The following ZBTB41 variants were observed in gnomAD, a reference collection of about 807,000 sequenced individuals.
ZBTB41 encodes zinc finger and BTB domain containing 41, also known as zinc finger and BTB domain-containing protein 41.
Under a neutral mutation model 87.6 loss-of-function variants are expected in ZBTB41, and 42 were observed. The observed-to-expected ratio is 0.48, with a 90% CI of 0.37 to 0.62. The LOEUF (loss-of-function observed/expected upper bound fraction) is 0.62. Among genes scored for constraint, ZBTB41 ranks in the 20% least tolerant of loss-of-function variants. ZBTB41 has a pLI of 0.00. For synonymous variants in ZBTB41, 364 were observed against 364.0 expected, an observed-to-expected ratio of 1.00 and a Z score of 0.00; for missense variants, 799 against 1,078.9, an observed-to-expected ratio of 0.74 and a Z score of 3.63.
At chr1:197,197,591 G>A (rs1246532773) in intron 2 of ZBTB41, among the ~76,000 whole-genome samples, 1 of 151,144 alleles carries the variant, frequency 6.6e-6, no homozygotes, top group Admixed American at 6.6e-5. Flanking sequence ...GAGCGAGGGA[G>A]GGAGGAAGGA....
Position 197,157,837 on chromosome 1 carries a change from C to T in ZBTB41, c.*1522G>A, listed in dbSNP as rs1029959414. 5.3e-5 allele frequency: 8 copies of T among 152,344 alleles called. No individual in the cohort carries two copies. Among genetic ancestry groups the T allele is most frequent in the African/African-American group, 1.9e-4 (8 of 41,506 alleles). The allele number at this position is 152,344 out of a possible 1,614,324, so 9.4% of individuals were successfully genotyped here. ...CATTACTAATTGATTAAACTTTATT[C>T]ATTAAAACTTCACTGTTTTATTTGT... On this transcript the variant is annotated 3_prime_UTR_variant, in exon 11 of 11. Coordinates refer to ENST00000367405, the MANE Select transcript of ZBTB41 (RefSeq NM_194314.3).
Position 197,195,842 on chromosome 1 carries a change from G to GA in ZBTB41, c.1120+3511dup, listed in dbSNP as rs1660149516. On this transcript the variant is annotated intron_variant, in intron 2 of 10. Coordinates refer to ENST00000367405, the MANE Select transcript of ZBTB41 (RefSeq NM_194314.3). The stretch of plus-strand genomic sequence containing the variant: ...AGAGGAAGACAGCCGGTAGCCTAAG[G>GA]AAAAATATAACTGGAAGAAAGGATA... 5.3e-5 allele frequency among the ~76,000 whole-genome samples: 8 copies of GA among 152,140 alleles called. No homozygotes were observed. The South Asian group carries it at 1.7e-3, about 32-fold the overall frequency.
chr1:197,172,955 T>C (rs1452189636), intron 9 of ZBTB41, among the ~76,000 whole-genome samples: 3 of 152,040 alleles, frequency 2.0e-5, no homozygotes, highest in African/African-American at 4.8e-5. Flanking sequence ...TACAAAATAA[T>C]AGACAGAAAT....
At chr1:197,187,550 C>T (rs1289229280) in intron 5 of ZBTB41, among the ~76,000 whole-genome samples, 1 of 151,988 alleles carries the variant, frequency 6.6e-6, no homozygotes, top group Non-Finnish European at 1.5e-5. Context: ...CACTGTTATA[C>T]TATATTTTAA....
intron 5 of ZBTB41, among the ~76,000 whole-genome samples, chr1:197,182,486 A>G (rs1250140133): frequency 8.4e-6 from 1 of 119,174 alleles, no homozygotes; most frequent in Non-Finnish European, 1.9e-5. Flanking sequence ...TAGGTTGCCC[A>G]GGCTGGTCTC....
In ZBTB41 at chr1:197,199,329, T is replaced by C. The variant is rs756625468; in HGVS notation, c.1120+25A>G. On this transcript the variant is annotated intron_variant, in intron 2 of 10. Coordinates refer to ENST00000367405, the MANE Select transcript of ZBTB41 (RefSeq NM_194314.3). ...TCCAAGAAAAGTAAGTGATTAGAGA[T>C]AGAAAACCAGTTTTCTTTTCTTACC... The C allele has an allele frequency of 4.8e-6, 7 of 1,472,360 alleles. No homozygotes were observed. In the East Asian group the frequency reaches 9.6e-5, roughly 20 times the overall value. 91.2% of individuals were successfully genotyped at this position (1,472,360 alleles called of 1,614,324 possible).
rs138552332 is a variant in ZBTB41, at chr1:197,161,781, G to A, written c.2075-1767C>T. Among the ~76,000 whole-genome samples the A allele has an allele frequency of 1.2e-3, 185 of 152,028 alleles. 5 individuals carry two copies. The East Asian group carries it at 0.032, about 26-fold the overall frequency. On this transcript the variant is annotated intron_variant, in intron 10 of 10. Coordinates refer to ENST00000367405, the MANE Select transcript of ZBTB41 (RefSeq NM_194314.3). The stretch of plus-strand genomic sequence containing the variant: ...CAAAATGTACACTTCCAAAATGCAA[G>A]AACTCTTAAGTGCGTTCTATAAATC...
chr1:197,176,345 A>T (rs1294487530), intron 8 of ZBTB41, among the ~76,000 whole-genome samples: 1 of 152,078 alleles, frequency 6.6e-6, no homozygotes, highest in East Asian at 1.9e-4. Context: ...TTATAGTCAC[A>T]AAGGGTTACC....
chr1:197,196,214 T>C (rs1187017667), intron 2 of ZBTB41, among the ~76,000 whole-genome samples: 3 of 152,166 alleles, frequency 2.0e-5, no homozygotes, highest in African/African-American at 7.2e-5. Flanking sequence ...ACGAAAGGAA[T>C]GTGGATGATA....
At chr1:197,161,642 G>T (rs1240559561) in intron 10 of ZBTB41, among the ~76,000 whole-genome samples, 1 of 151,924 alleles carries the variant, frequency 6.6e-6, no homozygotes, top group Non-Finnish European at 1.5e-5. Context: ...TAACTTTTCA[G>T]AAAAAGTATT....
chr1:197,194,618 G>GGAA (rs1553232793), intron 2 of ZBTB41, among the ~76,000 whole-genome samples: 42 of 135,834 alleles, frequency 3.1e-4, no homozygotes, highest in African/African-American at 1.1e-3. Context: ...ATTTAAGCAA[G>GGAA]AAAAAAAAAA....
chr1:197,184,191 A>G (rs1236023489), intron 5 of ZBTB41, among the ~76,000 whole-genome samples: 2 of 152,238 alleles, frequency 1.3e-5, no homozygotes, highest in African/African-American at 2.4e-5. Flanking sequence ...CATGTCAACT[A>G]CAGTTTGGTA....
chr1:197,197,387 A>C (rs1045769630), intron 2 of ZBTB41, among the ~76,000 whole-genome samples: 6 of 152,022 alleles, frequency 3.9e-5, no homozygotes, highest in African/African-American at 1.5e-4. Flanking sequence ...GGTGAAAAGC[A>C]AGCAGCAGGG....
At chr1:197,192,755 C>G (rs1009078353) in intron 2 of ZBTB41, among the ~76,000 whole-genome samples, 4 of 151,884 alleles carry the variant, frequency 2.6e-5, no homozygotes, top group South Asian at 2.1e-4. Flanking sequence ...CAGTCATATA[C>G]TTTAAAAAGG....
In ZBTB41 at chr1:197,200,039, T is replaced by A; in HGVS notation, c.435A>T (p.Thr145=). 1.2e-6 allele frequency: 2 copies of A among 1,613,046 alleles called. No individual in the cohort carries two copies. Among genetic ancestry groups the A allele is most frequent in the Non-Finnish European group, 1.7e-6 (2 of 1,179,780 alleles). The change falls in exon 2 of 11, where the codon ACA becomes ACT. Residue 145 remains threonine, a synonymous_variant. Coordinates refer to ENST00000367405, the MANE Select transcript of ZBTB41 (RefSeq NM_194314.3). ...VFQHLLEFLY[T]SEFFVYKYEI... ...CATATTTGTACACAAAAAATTCTGA[T>A]GTGTAAAGAAATTCAAGCAAATGCT...
chr1:197,161,561 T>C (rs1412337112), intron 10 of ZBTB41, among the ~76,000 whole-genome samples: 3 of 152,110 alleles, frequency 2.0e-5, no homozygotes, highest in Non-Finnish European at 4.4e-5. Flanking sequence ...AATTTCTACT[T>C]GTTTCTGGAC....
rs1660242288 is a variant in ZBTB41, at chr1:197,199,390, G to C, written c.1084C>G (p.Gln362Glu). The change falls in exon 2 of 11, where the codon CAG (glutamine) becomes GAG (glutamate). Residue 362 changes from glutamine (Q) to glutamate (E), a missense_variant. Transcript: ENST00000367405. Reference sequence around the variant, plus strand: ...AATGTTTTATCACATTTAGGACACTGCAATATTTTTTTGTTGCTGTTCTGA... The same window carrying C: ...AATGTTTTATCACATTTAGGACACTCCAATATTTTTTTGTTGCTGTTCTGA... Reference protein sequence around the residue: ...VIQNSNKKILQCPKCDKTFDR... With the variant: ...VIQNSNKKILECPKCDKTFDR... The C allele has an allele frequency of 6.3e-7, 1 of 1,582,318 alleles. No homozygotes were observed.
chr1:197,167,088 C>T (rs912561390), intron 10 of ZBTB41, among the ~76,000 whole-genome samples: 9 of 151,890 alleles, frequency 5.9e-5, no homozygotes, highest in African/African-American at 2.2e-4. Context: ...CAATATGTCT[C>T]GTGAACCAAA....
At chr1:197,181,586 A>T (rs1048882242) in intron 5 of ZBTB41, among the ~76,000 whole-genome samples, 10 of 152,334 alleles carry the variant, frequency 6.6e-5, no homozygotes, top group Middle Eastern at 6.8e-3. Flanking sequence ...TTTACCAAAT[A>T]AAAAACTGGA....
Sources: allele counts gnomAD v4.1 joint callset (sites outside exome capture counted in the v4.1 genomes callset), GRCh38; gene constraint gnomAD v4.1.1; transcripts MANE v1.5; gene names NCBI Gene and HGNC (gene_info 2026-07-23, HGNC 2026-07-21).